The following MSRA variants were observed in gnomAD, a reference collection of about 807,000 sequenced individuals.
MSRA encodes the protein methionine sulfoxide reductase A.
A neutral mutation model predicts 31.3 loss-of-function variants in MSRA; 54 were observed. That is an observed-to-expected ratio of 1.73 (90% CI 1.39 to 2.17). The LOEUF (loss-of-function observed/expected upper bound fraction) is 2.17, where lower values mean the gene tolerates loss of function less well. Among genes scored for constraint, MSRA ranks in the 30% most tolerant of loss-of-function variants. MSRA has a pLI of 0.00. For missense variants in MSRA, 507 were observed against 300.9 expected, an observed-to-expected ratio of 1.69 and a Z score of -5.07; for synonymous variants, 169 against 116.5, an observed-to-expected ratio of 1.45 and a Z score of -2.90.
chr8:10,056,246 T>G (rs1802364259), intron 1 of MSRA, among the ~76,000 whole-genome samples: 1 of 151,212 alleles, frequency 6.6e-6, no homozygotes, highest in South Asian at 2.1e-4. Context: ...AAAACTCTTG[T>G]TCAGATTTCC....
chr8:10,406,119 G>C (rs930420793), intron 5 of MSRA, among the ~76,000 whole-genome samples: 2 of 152,364 alleles, frequency 1.3e-5, no homozygotes, highest in South Asian at 2.1e-4. Context: ...GGGGAGAAGC[G>C]TGACTCTCCC....
intron 2 of MSRA, among the ~76,000 whole-genome samples, chr8:10,216,427 T>C (rs1169308288): frequency 6.6e-6 from 1 of 152,026 alleles, no homozygotes; most frequent in African/African-American, 2.4e-5. Flanking sequence ...AGATACATAA[T>C]ATGAAATTTA....
intron 3 of MSRA, among the ~76,000 whole-genome samples, chr8:10,264,591 A>C (rs6996920): frequency 0.72 from 109,970 of 152,062 alleles, 40,087 homozygotes; most frequent in East Asian, 0.85. Context: ...GGCTGTCGGG[A>C]AGGGCTGAGC....
At chr8:10,083,228 A>G (rs956998889) in intron 1 of MSRA, among the ~76,000 whole-genome samples, 2 of 152,258 alleles carry the variant, frequency 1.3e-5, no homozygotes, top group African/African-American at 4.8e-5. Context: ...ACATCAGCAG[A>G]TGACAATCTA....
intron 5 of MSRA, among the ~76,000 whole-genome samples, chr8:10,402,729 C>G (rs1341375034): frequency 6.6e-6 from 1 of 152,140 alleles, no homozygotes; most frequent in East Asian, 1.9e-4. Context: ...TTGCAGATGG[C>G]CAAGCTCTTC....
intron 1 of MSRA, among the ~76,000 whole-genome samples, chr8:10,091,224 T>C (rs1244699026): frequency 1.3e-5 from 2 of 152,228 alleles, no homozygotes. Flanking sequence ...CGTAACGATA[T>C]TGGTCTGTAG....
At chr8:10,201,677 T>C (rs1469102551) in intron 1 of MSRA, among the ~76,000 whole-genome samples, 1 of 152,208 alleles carries the variant, frequency 6.6e-6, no homozygotes, top group Non-Finnish European at 1.5e-5. Context: ...CAAAACAAAA[T>C]AAAAAGCAAT....
chr8:10,405,887 T>C (rs978604554), intron 5 of MSRA, among the ~76,000 whole-genome samples: 3 of 152,154 alleles, frequency 2.0e-5, no homozygotes, highest in Non-Finnish European at 4.4e-5. Flanking sequence ...TATTCACACA[T>C]GTTCACATAC....
intron 2 of MSRA, among the ~76,000 whole-genome samples, chr8:10,215,687 G>C (rs1022513445): frequency 9.2e-5 from 14 of 152,194 alleles, no homozygotes; most frequent in African/African-American, 3.4e-4. Context: ...CTCTCACCAT[G>C]TGTCCAAGTG....
intron 5 of MSRA, among the ~76,000 whole-genome samples, chr8:10,410,041 C>T (rs531789501): frequency 1.3e-4 from 20 of 152,338 alleles, no homozygotes; most frequent in African/African-American, 4.6e-4. Flanking sequence ...CCCTGGGTTA[C>T]AGAGCAAGAC....
chr8:10,283,826 T>TACAC (rs1162031001), intron 3 of MSRA, among the ~76,000 whole-genome samples: 49 of 68,400 alleles, frequency 7.2e-4, no homozygotes, highest in African/African-American at 2.7e-3. Context: ...TATATATATA[T>TACAC]ATATATATAT....
At chr8:10,353,630 T>A (rs896341495) in intron 5 of MSRA, 15 of 456,114 alleles carry the variant, frequency 3.3e-5, no homozygotes, top group African/African-American at 3.0e-4. Context: ...CCAAGCATGT[T>A]CACTGGAAGA....
At chr8:10,071,748 G>A (rs953850550) in intron 1 of MSRA, among the ~76,000 whole-genome samples, 1 of 152,142 alleles carries the variant, frequency 6.6e-6, no homozygotes, top group Non-Finnish European at 1.5e-5. Flanking sequence ...TCTGTGTACT[G>A]GTGTTCAGTT....
chr8:10,161,751 C>G (rs1456591348), intron 1 of MSRA, among the ~76,000 whole-genome samples: 5 of 152,040 alleles, frequency 3.3e-5, no homozygotes, highest in Admixed American at 6.6e-5. Flanking sequence ...GTGTCTGCAT[C>G]TGGGCAGCGA....
chr8:10,294,057 A>C (rs1282477673), intron 3 of MSRA, among the ~76,000 whole-genome samples: 2 of 151,640 alleles, frequency 1.3e-5, no homozygotes, highest in African/African-American at 4.9e-5. Flanking sequence ...TACAAAAACC[A>C]CCCAGGCATG....
At chr8:10,233,944 T>C (rs1811713751) in intron 2 of MSRA, among the ~76,000 whole-genome samples, 1 of 152,098 alleles carries the variant, frequency 6.6e-6, no homozygotes, top group Non-Finnish European at 1.5e-5. Flanking sequence ...GAAAAGACAT[T>C]GCCTACAAAG....
chr8:10,217,651 C>T (rs756349505), intron 2 of MSRA, among the ~76,000 whole-genome samples: 1 of 152,154 alleles, frequency 6.6e-6, no homozygotes, highest in Non-Finnish European at 1.5e-5. Flanking sequence ...CCACTCCCTC[C>T]CCCTCTTCTA....
intron 1 of MSRA, among the ~76,000 whole-genome samples, chr8:10,109,966 C>G (rs535067076): frequency 6.6e-6 from 1 of 152,214 alleles, no homozygotes; most frequent in East Asian, 1.9e-4. Context: ...AAAGATTCGT[C>G]ATAATTAGCA....
intron 1 of MSRA, among the ~76,000 whole-genome samples, chr8:10,193,605 A>ACTTC (rs1336695032): frequency 6.6e-6 from 1 of 152,136 alleles, no homozygotes; most frequent in Non-Finnish European, 1.5e-5. Context: ...ATCTCCACTG[A>ACTTC]CTTCCCTGAG....
Sources: allele counts gnomAD v4.1 joint callset (sites outside exome capture counted in the v4.1 genomes callset), GRCh38; gene constraint gnomAD v4.1.1; transcripts MANE v1.5; gene names NCBI Gene and HGNC (gene_info 2026-07-23, HGNC 2026-07-21).